The following EAF2 variants were observed in gnomAD, a reference collection of about 807,000 sequenced individuals.
EAF2 encodes ELL-associated factor 2.
A neutral mutation model predicts 29.4 loss-of-function variants in EAF2; 29 were observed. The ratio of observed to expected loss-of-function variants is 0.99; its 90% CI spans 0.73 to 1.35. The LOEUF is 1.35. Among genes scored for constraint, EAF2 ranks in the 40% most tolerant of loss-of-function variants. The pLI, the probability that EAF2 is intolerant of heterozygous loss-of-function variation, is 0.00. For synonymous variants in EAF2, 103 were observed against 102.5 expected, an observed-to-expected ratio of 1.00 and a Z score of -0.03; for missense variants, 292 against 312.0, an observed-to-expected ratio of 0.94 and a Z score of 0.48.
chr3:121,861,019 A>G (rs969341774), intron 4 of EAF2, among the ~76,000 whole-genome samples: 2 of 152,152 alleles, frequency 1.3e-5, no homozygotes, highest in Admixed American at 1.3e-4. Flanking sequence ...ATTTGATTGC[A>G]CTGTGTTCTG....
chr3:121,854,405 A>C (rs993496158), intron 2 of EAF2, among the ~76,000 whole-genome samples: 2 of 151,878 alleles, frequency 1.3e-5, no homozygotes, highest in Non-Finnish European at 1.5e-5. Flanking sequence ...GTTCGAATTG[A>C]ATCTCAATTA....
intron 4 of EAF2, among the ~76,000 whole-genome samples, chr3:121,867,300 C>G (rs1708942635): frequency 6.6e-6 from 1 of 152,114 alleles, no homozygotes; most frequent in South Asian, 2.1e-4. Context: ...AAAACCCGAA[C>G]AAGCCCCAAA....
chr3:121,835,470 T>C (rs1708247617), intron 1 of EAF2, 79 bp downstream of exon 1: 1 of 1,293,784 alleles, frequency 7.7e-7, no homozygotes, highest in African/African-American at 1.5e-5. Context: ...CTGGGTTTTG[T>C]TCCCACAGTA....
chr3:121,860,108 A>T (rs972646096), intron 4 of EAF2, among the ~76,000 whole-genome samples: 1 of 152,200 alleles, frequency 6.6e-6, no homozygotes, highest in African/African-American at 2.4e-5. Flanking sequence ...ATCGGTGTTC[A>T]CCAGGGATAC....
intron 5 of EAF2, among the ~76,000 whole-genome samples, chr3:121,880,336 T>A (rs1288809969): frequency 6.6e-6 from 1 of 150,826 alleles, no homozygotes; most frequent in Non-Finnish European, 1.5e-5. Context: ...AGAGACTGGG[T>A]CTCACTGTGT....
At position 121,857,034 on chromosome 3, in the gene EAF2, A is replaced by C. The variant is rs747484919; in HGVS notation, c.362A>C (p.Gln121Pro). ...AGAGTTGAAGGAAGCAGTAAAATTC[A>C]GTATCGTAAAGAACAACAGCAACAA... ...KTRVEGSSKI[Q>P]YRKEQQQQQM... is the part of the protein sequence containing the mutation. Residue 121 changes from glutamine (Q) to proline (P), a missense_variant, in exon 4 of 6, where the codon CAG becomes CCG. By Grantham distance (76) the Gln-to-Pro change is moderately conservative. Transcript: ENST00000273668. 8.7e-6 allele frequency: 14 copies of C among 1,613,118 alleles called. No individual in the cohort carries two copies. The highest frequency in any genetic ancestry group is 1.1e-5 in the Non-Finnish European group (13 of 1,179,686).
rs780308100 is a variant in EAF2 at position 121,872,539 on chromosome 3, C to A, written c.487C>A (p.Leu163Met). The A allele has an allele frequency of 6.3e-7, 1 of 1,592,292 alleles. No individual in the cohort carries two copies. The highest frequency in any genetic ancestry group is 1.7e-5 in the Admixed American group (1 of 58,532). The change falls in exon 5 of 6, where the codon CTG (leucine) becomes ATG (methionine). Residue 163 changes from leucine to methionine, a missense_variant and splice_region_variant. Coordinates refer to ENST00000273668, the MANE Select transcript of EAF2 (RefSeq NM_018456.6). ...ASPIDDIERELKAEASLMDQM... is the reference protein window; with the variant it reads ...ASPIDDIEREMKAEASLMDQM... ...ATTCATTTCTGTCTTATTTTCAGAA[C>A]TGAAGGCAGAAGCTAGTCTAATGGA...
At chr3:121,884,232 C>G (rs1306343552) in intron 5 of EAF2, among the ~76,000 whole-genome samples, 1 of 148,366 alleles carries the variant, frequency 6.7e-6, no homozygotes. Context: ...CCCAGCTACT[C>G]GGGAGGCTGA....
intron 4 of EAF2, among the ~76,000 whole-genome samples, chr3:121,858,344 T>C (rs1391705293): frequency 5.3e-5 from 8 of 152,262 alleles, no homozygotes; most frequent in African/African-American, 1.9e-4. Context: ...TTTCCTGCCT[T>C]TTTAATGATC....
intron 4 of EAF2, among the ~76,000 whole-genome samples, chr3:121,862,295 C>T (rs543904690): frequency 8.5e-5 from 13 of 152,242 alleles, no homozygotes; most frequent in Non-Finnish European, 1.8e-4. Flanking sequence ...CTCTCTGTCA[C>T]TTTCAGATAC....
chr3:121,841,378 G>A (rs889005633), intron 1 of EAF2, among the ~76,000 whole-genome samples: 1 of 151,052 alleles, frequency 6.6e-6, no homozygotes, highest in African/African-American at 2.4e-5. Context: ...AGTGGCGCAC[G>A]CTTGTAATCT....
rs1708631586 is a variant in EAF2 at position 121,851,541 on chromosome 3, A to G, written c.202-3146A>G. ...GTTGACAATCCTAAGTCAGTCATTCATGTGAACCAATTATAAGCAATTCTA... is the reference window on the plus strand; with the variant it reads ...GTTGACAATCCTAAGTCAGTCATTCGTGTGAACCAATTATAAGCAATTCTA... On this transcript the variant is annotated intron_variant, in intron 2 of 5. Coordinates refer to ENST00000273668, the MANE Select transcript of EAF2 (RefSeq NM_018456.6). 2.6e-5 allele frequency among the ~76,000 whole-genome samples: 4 copies of G among 152,284 alleles called. No homozygotes were observed. In the South Asian group the frequency reaches 8.3e-4, roughly 32 times the overall value.
intron 2 of EAF2, among the ~76,000 whole-genome samples, chr3:121,849,514 A>C (rs1015944490): frequency 2.0e-5 from 3 of 152,012 alleles, no homozygotes; most frequent in African/African-American, 7.2e-5. Context: ...TTTGGCATTG[A>C]CTCTTTATCT....
intron 5 of EAF2, among the ~76,000 whole-genome samples, chr3:121,884,435 A>AT (rs1002575178): frequency 7.6e-4 from 111 of 145,268 alleles, no homozygotes; most frequent in South Asian, 2.2e-3. Context: ...TTATTTATTT[A>AT]TTTTTTTTTT....
At chr3:121,883,652 A>G (rs1441478633) in intron 5 of EAF2, among the ~76,000 whole-genome samples, 1 of 152,228 alleles carries the variant, frequency 6.6e-6, no homozygotes, top group Non-Finnish European at 1.5e-5. Context: ...CCCTCCCACT[A>G]AATGCTATTA....
intron 4 of EAF2, among the ~76,000 whole-genome samples, chr3:121,862,067 T>C (rs375479425): frequency 1.3e-5 from 2 of 152,224 alleles, no homozygotes; most frequent in African/African-American, 4.8e-5. Flanking sequence ...CTTCGCTTTG[T>C]GGGTAACCCG....
intron 5 of EAF2, among the ~76,000 whole-genome samples, chr3:121,885,990 A>G (rs910214581): frequency 5.9e-5 from 9 of 152,134 alleles, no homozygotes; most frequent in African/African-American, 1.9e-4. Context: ...TAAAAAAAAA[A>G]TAACATTTTT....
chr3:121,870,184 G>A (rs1229695849), intron 4 of EAF2, among the ~76,000 whole-genome samples: 1 of 152,086 alleles, frequency 6.6e-6, no homozygotes, highest in Non-Finnish European at 1.5e-5. Context: ...TATGAGGCCA[G>A]TATTACCCCT....
intron 5 of EAF2, among the ~76,000 whole-genome samples, chr3:121,879,880 G>T (rs1037179481): frequency 9.9e-5 from 15 of 151,798 alleles, no homozygotes; most frequent in African/African-American, 3.4e-4. Flanking sequence ...ATCATCTGTG[G>T]TTCTATATGA....
Sources: allele counts gnomAD v4.1 joint callset (sites outside exome capture counted in the v4.1 genomes callset), GRCh38; gene constraint gnomAD v4.1.1; transcripts MANE v1.5; gene names NCBI Gene and HGNC (gene_info 2026-07-23, HGNC 2026-07-21).